The following SPRED1 variants were observed in gnomAD, a reference collection of about 807,000 sequenced individuals.
The protein encoded by SPRED1 is sprouty-related, EVH1 domain-containing protein 1.
SPRED1 carries 18 observed loss-of-function variants against 52.3 expected under a neutral mutation model. That is an observed-to-expected ratio of 0.34 (90% CI 0.24 to 0.51). The LOEUF (loss-of-function observed/expected upper bound fraction) is 0.51, where lower values mean the gene tolerates loss of function less well. SPRED1 is among the 20% of genes least tolerant of loss of function. The pLI, the probability that SPRED1 is intolerant of heterozygous loss-of-function variation, is 0.97. For missense variants in SPRED1, 485 were observed against 551.0 expected (o/e 0.88, Z 1.20); for synonymous variants, 155 against 179.7 (o/e 0.86, Z 1.10).
chr15:38,303,606 T>G (rs1306594994), intron 2 of SPRED1, among the ~76,000 whole-genome samples: 1 of 152,160 alleles, frequency 6.6e-6, no homozygotes, highest in African/African-American at 2.4e-5. Context: ...AATATCTGTT[T>G]ACTACTAAAC....
intron 1 of SPRED1, among the ~76,000 whole-genome samples, chr15:38,254,258 A>C (rs1176128348): frequency 6.6e-6 from 1 of 152,190 alleles, no homozygotes; most frequent in East Asian, 1.9e-4. Context: ...TGCATTACTA[A>C]AGTCAGACCT....
chr15:38,315,699 A>G (rs142843097), intron 2 of SPRED1, among the ~76,000 whole-genome samples: 109 of 152,090 alleles, frequency 7.2e-4, no homozygotes, highest in African/African-American at 2.5e-3. Flanking sequence ...ATTTACTCAC[A>G]TAAGTTCTTT....
chr15:38,300,827 C>G (rs149293157), intron 2 of SPRED1, among the ~76,000 whole-genome samples: 1 of 152,162 alleles, frequency 6.6e-6, no homozygotes, highest in African/African-American at 2.4e-5. Flanking sequence ...CTGCCATATA[C>G]TAATGCTTTT....
chr15:38,302,846 A>G (rs1895174554), intron 2 of SPRED1, among the ~76,000 whole-genome samples: 2 of 152,132 alleles, frequency 1.3e-5, no homozygotes, highest in Non-Finnish European at 2.9e-5. Flanking sequence ...TGGGGATGGA[A>G]TGATCGTTGT....
At chr15:38,321,748 C>T (rs1474375584) in intron 2 of SPRED1, among the ~76,000 whole-genome samples, 1 of 152,062 alleles carries the variant, frequency 6.6e-6, no homozygotes, top group East Asian at 1.9e-4. Flanking sequence ...CATGTACCTC[C>T]ACACCCAGCT....
intron 2 of SPRED1, 134 bp from the exon 3 acceptor site, chr15:38,322,107 G>A: frequency 1.2e-6 from 1 of 845,156 alleles, no homozygotes; most frequent in African/African-American, 1.7e-5. Context: ...TTGTGAAGTA[G>A]ACCACTTTAT....
Position 38,351,694 on chromosome 15 carries a change from T to C in SPRED1, c.*30T>C, listed in dbSNP as rs973368328. The stretch of plus-strand genomic sequence containing the variant: ...GTCCAGTGCCAAAATGAGCTTAAAA[T>C]CTTTGTTTCCAGGAATTAGCTAACT... On this transcript the variant is annotated 3_prime_UTR_variant, in exon 7 of 7. Coordinates refer to ENST00000299084, the MANE Select transcript of SPRED1 (RefSeq NM_152594.3). 1 of 1,605,922 alleles carries C rather than the reference T, an allele frequency of 6.2e-7. No individual in the cohort carries two copies. The highest frequency in any genetic ancestry group is 1.3e-5 in the African/African-American group (1 of 74,910).
chr15:38,287,539 T>C (rs1894835313), intron 1 of SPRED1, among the ~76,000 whole-genome samples: 2 of 152,186 alleles, frequency 1.3e-5, no homozygotes, highest in African/African-American at 4.8e-5. Context: ...CTGAATCTTG[T>C]AGACTATCAT....
At chr15:38,336,422 GTATATA>G (rs1274175542) in intron 4 of SPRED1, among the ~76,000 whole-genome samples, 1 of 137,970 alleles carries the variant, frequency 7.2e-6, no homozygotes, top group African/African-American at 2.7e-5. Context: ...GTATGTGTGT[GTATATA>G]TATATATAAT....
intron 2 of SPRED1, among the ~76,000 whole-genome samples, chr15:38,317,525 G>C (rs1389030200): frequency 1.3e-5 from 2 of 151,874 alleles, no homozygotes; most frequent in African/African-American, 2.4e-5. Context: ...CTCAAATATG[G>C]TAATTCAGCA....
At chr15:38,334,367 AT>A (rs1356526046) in intron 4 of SPRED1, among the ~76,000 whole-genome samples, 1 of 151,928 alleles carries the variant, frequency 6.6e-6, no homozygotes, top group Admixed American at 6.6e-5. Flanking sequence ...AATTAGTTGT[AT>A]TGGTTATGTT....
intron 4 of SPRED1, among the ~76,000 whole-genome samples, chr15:38,331,275 G>A (rs1895801120): frequency 6.6e-6 from 1 of 152,128 alleles, no homozygotes; most frequent in Non-Finnish European, 1.5e-5. Context: ...TGCTATAGAT[G>A]TAATTTTTTT....
Position 38,339,851 on chromosome 15 carries a change from G to C in SPRED1, c.538G>C (p.Asp180His). The C allele has an allele frequency of 6.2e-7, 1 of 1,613,914 alleles. No homozygotes were observed. Among genetic ancestry groups the C allele is most frequent in the Non-Finnish European group, 8.5e-7 (1 of 1,179,918 alleles). ...SSNIRPSPFE[D>H]LNARRVYMQS... ...AAATATAAGACCTTCTCCCTTTGAAGATCTGAATGCCAGAAGAGTCTACAT... is the reference window on the plus strand; with the variant it reads ...AAATATAAGACCTTCTCCCTTTGAACATCTGAATGCCAGAAGAGTCTACAT... Residue 180 changes from aspartate to histidine, a missense_variant, in exon 5 of 7, where the codon GAT becomes CAT. Physicochemically the swap from Asp to His is moderately conservative, Grantham distance 81. This residue lies in a region of SPRED1 where 232 missense variants were observed against 231.8 expected (regional missense o/e 1.00). Coordinates refer to ENST00000299084, the MANE Select transcript of SPRED1 (RefSeq NM_152594.3).
intron 3 of SPRED1, 26 bp from the exon 4 acceptor site, chr15:38,324,735 CTT>C: frequency 6.4e-7 from 1 of 1,566,216 alleles, no homozygotes; most frequent in South Asian, 1.2e-5. Context: ...AAATTCTATA[CTT>C]AATTAACTTT....
At chr15:38,338,549 A>G (rs963650843) in intron 4 of SPRED1, among the ~76,000 whole-genome samples, 6 of 152,242 alleles carry the variant, frequency 3.9e-5, no homozygotes, top group Admixed American at 2.0e-4. Context: ...GGGTAAAAAT[A>G]GCAGCCAGTT....
chr15:38,291,858 C>T (rs4528527), intron 1 of SPRED1, among the ~76,000 whole-genome samples: 125,674 of 152,228 alleles, frequency 0.83, 52,635 homozygotes, highest in Non-Finnish European at 0.9. Flanking sequence ...AGGTCTTTGA[C>T]GTGGCCTGGA....
intron 6 of SPRED1, among the ~76,000 whole-genome samples, chr15:38,350,214 G>A (rs979841158): frequency 3.9e-5 from 6 of 152,102 alleles, no homozygotes; most frequent in African/African-American, 1.4e-4. Flanking sequence ...TGGTAGGTTT[G>A]GTTTCTTCTG....
chr15:38,346,168 C>A (rs184002498), intron 5 of SPRED1, among the ~76,000 whole-genome samples: 3 of 152,190 alleles, frequency 2.0e-5, no homozygotes, highest in African/African-American at 7.2e-5. Flanking sequence ...AAGATTCCAT[C>A]TCATATATCA....
chr15:38,322,327 G>C lies in SPRED1; in HGVS notation c.294G>C (p.Lys98Asn). The stretch of plus-strand genomic sequence containing the variant: ...ACCACTGGAAGATTGATGACAAGAA[G>C]TTTGGTCTTACGTTTCAAAGTCCTG... The part of the protein sequence containing the change: ...TFHHWKIDDK[K>N]FGLTFQSPAD... The change falls in exon 3 of 7, where the codon AAG becomes AAC. Residue 98 changes from lysine (K) to asparagine (N), a missense_variant. Physicochemically the swap from Lys to Asn is moderately conservative, Grantham distance 94. Coordinates refer to ENST00000299084, the MANE Select transcript of SPRED1 (RefSeq NM_152594.3). 6.2e-7 allele frequency: 1 copy of C among 1,613,944 alleles called. No individual in the cohort carries two copies. The highest frequency in any genetic ancestry group is 8.5e-7 in the Non-Finnish European group (1 of 1,179,906).
Sources: gnomAD v4.1 joint callset for allele counts (sites outside exome capture counted in the v4.1 genomes callset) on GRCh38, gnomAD v4.1.1 for gene constraint, gnomAD v4.1.1 regional missense constraint, MANE v1.5 for transcripts, NCBI Gene and HGNC (gene_info 2026-07-23, HGNC 2026-07-21) for gene names.